RPS6KA6: variants seen among roughly 807,000 people sequenced by gnomAD.
RPS6KA6 encodes ribosomal protein S6 kinase alpha-6.
Under a neutral mutation model 65.4 loss-of-function variants are expected in RPS6KA6, and 27 were observed. The observed-to-expected ratio is 0.41, with a 90% CI of 0.30 to 0.57. RPS6KA6 has a LOEUF of 0.57. Ranked by LOEUF, RPS6KA6 falls within the 20% of genes least tolerant of loss-of-function variation. The pLI is 0.24. For missense variants in RPS6KA6, 486 were observed against 555.6 expected (o/e 0.87, Z 1.26); for synonymous variants, 190 against 184.2 (o/e 1.03, Z -0.26).
At chrX:84,182,063 T>A (rs5922918) in intron 1 of RPS6KA6, among the ~76,000 whole-genome samples, 11,441 of 32,418 alleles carry the variant, frequency 0.35, 1,415 homozygotes, top group African/African-American at 0.52. Context: ...TCTCTCTCTC[T>A]CACACACACA....
chrX:84,133,562 G>A (rs917357106), intron 8 of RPS6KA6, among the ~76,000 whole-genome samples: 4 of 110,320 alleles, frequency 3.6e-5, no homozygotes, highest in African/African-American at 1.3e-4. Context: ...AAATAAACTT[G>A]GCATCATTAT....
intron 1 of RPS6KA6, among the ~76,000 whole-genome samples, chrX:84,181,397 TAA>T (rs1393561220): frequency 1.8e-5 from 2 of 111,670 alleles, no homozygotes; most frequent in Non-Finnish European, 3.8e-5. Flanking sequence ...TCCTCAAAAC[TAA>T]AGAGCAAGAA....
intron 8 of RPS6KA6, among the ~76,000 whole-genome samples, chrX:84,122,844 T>C (rs1360291910): frequency 8.9e-6 from 1 of 111,790 alleles, no homozygotes; most frequent in Non-Finnish European, 1.9e-5. Flanking sequence ...GGGTGGCATG[T>C]GACCTAGGGA....
In RPS6KA6 at chrX:84,187,685, G is replaced by A. The variant is rs746568249; in HGVS notation, c.81+134C>T. The A allele has an allele frequency of 2.3e-5, 13 of 555,721 alleles. 1 individual carries two copies. The highest frequency in any genetic ancestry group is 1.7e-4 in the East Asian group (4 of 23,265). The allele number at this position is 555,721 out of a possible 1,213,427, so 45.8% of individuals were successfully genotyped here. On this transcript the variant is annotated intron_variant, in intron 1 of 21. Transcript: ENST00000262752. ...GCCCGCTCCCCAGCGAAAGGGCAGT[G>A]GAGGCAGCATCAAGGGGGCTTGCCC... is the stretch of plus-strand genomic sequence containing the variant.
chrX:84,146,532 G>A (rs1430870252), intron 5 of RPS6KA6, among the ~76,000 whole-genome samples: 3 of 111,125 alleles, frequency 2.7e-5, no homozygotes, highest in Non-Finnish European at 3.8e-5. Flanking sequence ...CTTCTTACTG[G>A]TAGTCCTCTC....
At chrX:84,116,063 C>A (rs2034558593) in intron 12 of RPS6KA6, among the ~76,000 whole-genome samples, 166 bp downstream of exon 12, 1 of 111,009 alleles carries the variant, frequency 9.0e-6, no homozygotes, top group African/African-American at 3.3e-5. Context: ...ACGGAAAAAA[C>A]CCACAAATGC....
At chrX:84,098,283 C>A (rs978574031) in intron 18 of RPS6KA6, among the ~76,000 whole-genome samples, 11 of 110,869 alleles carry the variant, frequency 9.9e-5, no homozygotes, top group African/African-American at 3.6e-4. Context: ...CTTTACTACA[C>A]AAGATATGGC....
chrX:84,105,128 A>G (rs2034332556), intron 16 of RPS6KA6, among the ~76,000 whole-genome samples: 1 of 110,751 alleles, frequency 9.0e-6, no homozygotes, highest in African/African-American at 3.3e-5. Context: ...AGGAAAACAA[A>G]TAAGAAAAGT....
chrX:84,142,123 G>C (rs2035116592), intron 6 of RPS6KA6, among the ~76,000 whole-genome samples: 1 of 111,365 alleles, frequency 9.0e-6, no homozygotes, highest in Admixed American at 9.6e-5. Context: ...ACATTCTGAA[G>C]CATAAAGCAA....
chrX:84,141,705 G>T (rs776475985), intron 6 of RPS6KA6, among the ~76,000 whole-genome samples: 12 of 111,183 alleles, frequency 1.1e-4, no homozygotes, highest in African/African-American at 3.9e-4. Flanking sequence ...TACTTTTTTA[G>T]AAAATAGTTG....
At chrX:84,161,637 A>C (rs1003836823) in intron 2 of RPS6KA6, among the ~76,000 whole-genome samples, 9 of 111,906 alleles carry the variant, frequency 8.0e-5, no homozygotes. Context: ...ACTGAGTCTA[A>C]GTAAAACACA....
At chrX:84,072,007 T>A (rs2147335536) in intron 20 of RPS6KA6, among the ~76,000 whole-genome samples, 1 of 111,681 alleles carries the variant, frequency 9.0e-6, no homozygotes, top group African/African-American at 3.3e-5. Context: ...TAAGAGCAAA[T>A]ACCAATCCTT....
chrX:84,158,855 C>T (rs748062786), intron 2 of RPS6KA6, among the ~76,000 whole-genome samples: 3 of 111,381 alleles, frequency 2.7e-5, no homozygotes, highest in African/African-American at 3.3e-5. Flanking sequence ...ATTTACTGCA[C>T]TTGTTTGGGT....
chrX:84,083,270 C>T lies in RPS6KA6; in HGVS notation c.1971+12924G>A, dbSNP rs963774689. Among the ~76,000 whole-genome samples, 12 of 112,263 alleles carry T rather than the reference C, an allele frequency of 1.1e-4. No individual in the cohort carries two copies. In the East Asian group the frequency reaches 1.1e-3, roughly 10 times the overall value. ...TTACAAGAAAAAAACATGCATGATG[C>T]GCAGGTTTGTTACATAGGTAAACGT... is the stretch of plus-strand genomic sequence containing the variant. On this transcript the variant is annotated intron_variant, in intron 20 of 21. Coordinates refer to ENST00000262752, the MANE Select transcript of RPS6KA6 (RefSeq NM_014496.5).
At chrX:84,075,666 G>A (rs2033649626) in intron 20 of RPS6KA6, among the ~76,000 whole-genome samples, 1 of 109,961 alleles carries the variant, frequency 9.1e-6, no homozygotes, top group African/African-American at 3.3e-5. Flanking sequence ...TGTTACATGT[G>A]AAACAAGGAT....
chrX:84,151,106 T>TAGAGG (rs2035309095), intron 3 of RPS6KA6, among the ~76,000 whole-genome samples: 1 of 98,807 alleles, frequency 1.0e-5, no homozygotes, highest in African/African-American at 3.6e-5. Flanking sequence ...GATAGATATA[T>TAGAGG]ATAGATATAT....
At chrX:84,108,017 G>C (rs12690410) in intron 12 of RPS6KA6, among the ~76,000 whole-genome samples, 5,545 of 111,781 alleles carry the variant, frequency 0.05, 197 homozygotes, top group East Asian at 0.2. Context: ...ATACAGCACA[G>C]TAATAACTAA....
intron 20 of RPS6KA6, among the ~76,000 whole-genome samples, chrX:84,074,510 G>A (rs943440722): frequency 9.0e-6 from 1 of 111,488 alleles, no homozygotes; most frequent in African/African-American, 3.3e-5. Context: ...CTAAAAAAGA[G>A]GATTTTGAAT....
chrX:84,060,525 G>A lies in RPS6KA6; in HGVS notation c.*3752C>T, dbSNP rs2033287717. The A allele has an allele frequency of 9.2e-6, 1 of 108,756 alleles. No homozygotes were observed. The highest frequency in any genetic ancestry group is 1.9e-5 in the Non-Finnish European group (1 of 52,375). 9.0% of individuals were successfully genotyped at this position (108,756 alleles called of 1,213,427 possible). ...TTATGCTATATAGGTCATGTACTGT[G>A]AGAAACAAGAATACAAAACTATGGG... On this transcript the variant is annotated 3_prime_UTR_variant, in exon 22 of 22. Coordinates refer to ENST00000262752, the MANE Select transcript of RPS6KA6 (RefSeq NM_014496.5).
Sources: allele counts gnomAD v4.1 joint callset (sites outside exome capture counted in the v4.1 genomes callset), GRCh38; gene constraint gnomAD v4.1.1; transcripts MANE v1.5; gene names NCBI Gene and HGNC (gene_info 2026-07-23, HGNC 2026-07-21).